The following ZSWIM6 variants were observed in gnomAD, a reference collection of about 807,000 sequenced individuals.
ZSWIM6 encodes the protein zinc finger SWIM-type containing 6.
A neutral mutation model predicts 113.2 loss-of-function variants in ZSWIM6; 9 were observed. The ratio of observed to expected loss-of-function variants is 0.08; its 90% CI spans 0.05 to 0.14. ZSWIM6 has a LOEUF of 0.14. ZSWIM6 is among the 10% of genes least tolerant of loss of function. ZSWIM6 has a pLI of 1.00. For synonymous variants in ZSWIM6, 611 were observed against 606.5 expected (o/e 1.01, Z -0.11); for missense variants, 1,162 against 1,552.2 (o/e 0.75, Z 4.22).
chr5:61,336,873 AC>A (rs1320764642), intron 1 of ZSWIM6, among the ~76,000 whole-genome samples: 2 of 152,260 alleles, frequency 1.3e-5, no homozygotes, highest in African/African-American at 4.8e-5. Context: ...TAGAAAACTT[AC>A]AAAAATTGTC....
chr5:61,445,506 T>TA (rs973898433), intron 1 of ZSWIM6, among the ~76,000 whole-genome samples: 8 of 152,268 alleles, frequency 5.3e-5, no homozygotes, highest in Non-Finnish European at 8.8e-5. Context: ...ACGCTTGGGA[T>TA]AAAAAAATCA....
At chr5:61,456,889 T>G (rs1345712024) in intron 1 of ZSWIM6, among the ~76,000 whole-genome samples, 1 of 126,074 alleles carries the variant, frequency 7.9e-6, no homozygotes, top group East Asian at 2.5e-4. Context: ...TTATCCAATT[T>G]CTTTTTTTTT....
intron 1 of ZSWIM6, among the ~76,000 whole-genome samples, chr5:61,418,688 G>A (rs993013608): frequency 2.0e-5 from 3 of 152,196 alleles, no homozygotes; most frequent in Admixed American, 2.0e-4. Context: ...GGTACTTTAA[G>A]GACAGAGACA....
chr5:61,447,452 A>G (rs1746985549), intron 1 of ZSWIM6, among the ~76,000 whole-genome samples: 1 of 152,158 alleles, frequency 6.6e-6, no homozygotes, highest in Non-Finnish European at 1.5e-5. Flanking sequence ...GCAAACAGAA[A>G]TTCCTTCAGA....
At chr5:61,422,294 A>AT (rs1746369395) in intron 1 of ZSWIM6, among the ~76,000 whole-genome samples, 2 of 152,100 alleles carry the variant, frequency 1.3e-5, no homozygotes. Context: ...TGGATATCTA[A>AT]TTTTCCCAGC....
chr5:61,425,110 G>T (rs1189097956), intron 1 of ZSWIM6, among the ~76,000 whole-genome samples: 1 of 152,064 alleles, frequency 6.6e-6, no homozygotes, highest in Admixed American at 6.6e-5. Context: ...GGGAATATCT[G>T]GGAATAATAA....
intron 12 of ZSWIM6, 74 bp downstream of exon 12, chr5:61,539,833 T>G: frequency 1.4e-6 from 2 of 1,431,394 alleles, no homozygotes; most frequent in Middle Eastern, 1.8e-4. Flanking sequence ...TGTTTTTGTT[T>G]GATTGGATTT....
chr5:61,430,492 T>C (rs763320806), intron 1 of ZSWIM6, among the ~76,000 whole-genome samples: 2 of 152,234 alleles, frequency 1.3e-5, no homozygotes, highest in Non-Finnish European at 2.9e-5. Flanking sequence ...TTATAGAAGC[T>C]GCTTGTGGTA....
intron 1 of ZSWIM6, among the ~76,000 whole-genome samples, chr5:61,396,529 C>CAAA (rs60743291): frequency 1.4e-5 from 1 of 69,746 alleles, no homozygotes; most frequent in Non-Finnish European, 2.8e-5. Flanking sequence ...GACTCTGTCT[C>CAAA]AAAAAAAAAA....
chr5:61,360,313 T>C (rs1745007929), intron 1 of ZSWIM6, among the ~76,000 whole-genome samples: 1 of 152,226 alleles, frequency 6.6e-6, no homozygotes, highest in South Asian at 2.1e-4. Context: ...TGGAAGCAAG[T>C]TGACAAGGGA....
intron 1 of ZSWIM6, among the ~76,000 whole-genome samples, chr5:61,425,034 T>C (rs1414745594): frequency 1.3e-5 from 2 of 152,176 alleles, no homozygotes; most frequent in Non-Finnish European, 2.9e-5. Context: ...TTGGCTCTTA[T>C]GTGTAAACTT....
At chr5:61,340,465 C>T (rs556901836) in intron 1 of ZSWIM6, among the ~76,000 whole-genome samples, 2 of 152,224 alleles carry the variant, frequency 1.3e-5, no homozygotes, top group Non-Finnish European at 2.9e-5. Flanking sequence ...TGTACAGATC[C>T]ACAGTTCATT....
chr5:61,379,044 C>T (rs966899231), intron 1 of ZSWIM6, among the ~76,000 whole-genome samples: 3 of 151,596 alleles, frequency 2.0e-5, no homozygotes, highest in African/African-American at 4.8e-5. Flanking sequence ...AGCTGGGTGT[C>T]GTGGTGCGTG....
At position 61,546,124 on chromosome 5, in the gene ZSWIM6, AATG is replaced by A. The variant is rs1278232653; in HGVS notation, c.*1810_*1812del. ...TAAATCACTGTTTTATAAACTTGTT[AATG>A]ATCAACAATTTTTGTTTTGATTAAA... On this transcript the variant is annotated 3_prime_UTR_variant, in exon 14 of 14. Transcript: ENST00000252744. 6.6e-6 allele frequency: 1 copy of A among 152,214 alleles called. No individual in the cohort carries two copies. Among genetic ancestry groups the A allele is most frequent in the Non-Finnish European group, 1.5e-5 (1 of 68,036 alleles). 9.4% of individuals were successfully genotyped at this position (152,214 alleles called of 1,614,324 possible).
At chr5:61,422,620 A>G (rs181407393) in intron 1 of ZSWIM6, among the ~76,000 whole-genome samples, 286 of 152,088 alleles carry the variant, frequency 1.9e-3, no homozygotes, top group Middle Eastern at 0.01. Context: ...TGGCATCTTG[A>G]TTGGTATTGC....
At chr5:61,541,862 T>C (rs1749748675) in intron 12 of ZSWIM6, 22 bp from the exon 13 acceptor site, 1 of 1,522,206 alleles carries the variant, frequency 6.6e-7, no homozygotes, top group African/African-American at 1.4e-5. Context: ...TTCTAAAACA[T>C]TTTGTTACCC....
intron 1 of ZSWIM6, among the ~76,000 whole-genome samples, chr5:61,377,468 A>G (rs969169164): frequency 6.6e-6 from 1 of 152,080 alleles, no homozygotes; most frequent in African/African-American, 2.4e-5. Flanking sequence ...AACTACCGCA[A>G]GCCACTTTGG....
chr5:61,389,624 A>G (rs1181424807), intron 1 of ZSWIM6, among the ~76,000 whole-genome samples: 1 of 151,840 alleles, frequency 6.6e-6, no homozygotes, highest in Non-Finnish European at 1.5e-5. Context: ...GAAAGTCTTC[A>G]GTGATTCAAG....
At chr5:61,487,130 AC>A (rs1399939501) in intron 2 of ZSWIM6, among the ~76,000 whole-genome samples, 1 of 152,060 alleles carries the variant, frequency 6.6e-6, no homozygotes, top group Non-Finnish European at 1.5e-5. Flanking sequence ...TTTTCCCAGC[AC>A]CATTTATTGA....
Sources: allele counts gnomAD v4.1 joint callset (sites outside exome capture counted in the v4.1 genomes callset), GRCh38; gene constraint gnomAD v4.1.1; transcripts MANE v1.5; gene names NCBI Gene and HGNC (gene_info 2026-07-23, HGNC 2026-07-21).